The following KANSL3 variants were observed in gnomAD, a reference collection of about 807,000 sequenced individuals.
KANSL3 encodes NSL complex protein NSL3.
A neutral mutation model predicts 89.2 loss-of-function variants in KANSL3; 16 were observed. That is an observed-to-expected ratio of 0.18 (90% CI 0.12 to 0.27). The LOEUF (loss-of-function observed/expected upper bound fraction) is 0.27. Ranked by LOEUF, KANSL3 falls within the 10% of genes least tolerant of loss-of-function variation. The pLI, the probability that KANSL3 is intolerant of heterozygous loss-of-function variation, is 1.00. For synonymous variants in KANSL3, 385 were observed against 419.7 expected, an observed-to-expected ratio of 0.92 and a Z score of 1.01; for missense variants, 879 against 1,110.6, an observed-to-expected ratio of 0.79 and a Z score of 2.96.
At chr2:96,598,160 C>G (rs1245547338) in intron 20 of KANSL3, 11 of 985,026 alleles carry the variant, frequency 1.1e-5, no homozygotes, top group Non-Finnish European at 1.3e-5. Flanking sequence ...ACGAAGACAC[C>G]CTAAAAACAG....
At chr2:96,587,568 A>G in the KANSL3 span, among the ~76,000 whole-genome samples, 1 of 152,240 alleles carries the variant, frequency 6.6e-6, no homozygotes. Context: ...GAAGATTTAA[A>G]GAAGATCGAG....
intron 4 of KANSL3, 48 bp downstream of exon 4, chr2:96,619,624 G>A (rs1481440882): frequency 6.2e-7 from 1 of 1,600,082 alleles, no homozygotes; most frequent in African/African-American, 1.3e-5. Flanking sequence ...CAGCCAGTGA[G>A]GCCTGAACTA....
intron 1 of KANSL3, chr2:96,637,948 C>T (rs1558807266): frequency 6.6e-6 from 1 of 152,322 alleles, no homozygotes; most frequent in Non-Finnish European, 1.5e-5. Flanking sequence ...CTATGACTCG[C>T]ATTTTACAGA....
the KANSL3 span, among the ~76,000 whole-genome samples, chr2:96,580,837 T>C: frequency 2.3e-3 from 346 of 152,340 alleles, 2 homozygotes; most frequent in African/African-American, 8.1e-3. Context: ...CTTTTGTCTC[T>C]GCATTCCAGT....
chr2:96,619,087 A>T (rs1278413050), intron 5 of KANSL3, among the ~76,000 whole-genome samples: 1 of 152,070 alleles, frequency 6.6e-6, no homozygotes, highest in Non-Finnish European at 1.5e-5. Flanking sequence ...TTCAGCCATG[A>T]CTCAAACCAC....
intron 5 of KANSL3, among the ~76,000 whole-genome samples, chr2:96,618,596 A>C (rs2070668307): frequency 6.6e-6 from 1 of 152,236 alleles, no homozygotes; most frequent in Admixed American, 6.5e-5. Context: ...CTGTGGGCTC[A>C]CTGCTTACTA....
chr2:96,581,254 T>C, the KANSL3 span, among the ~76,000 whole-genome samples: 1 of 152,094 alleles, frequency 6.6e-6, no homozygotes, highest in East Asian at 1.9e-4. Flanking sequence ...TGAAACCCCA[T>C]CTCTACTAAA....
In KANSL3 at chr2:96,600,901, C is replaced by T. The variant is rs1042356100; in HGVS notation, c.2616+742G>A. The T allele has an allele frequency of 7.1e-6, 7 of 985,248 alleles. No individual in the cohort carries two copies. The African/African-American group carries it at 8.7e-5, about 12-fold the overall frequency. The allele number at this position is 985,248 out of a possible 1,614,324, so 61.0% of individuals were successfully genotyped here. A position where few individuals can be genotyped will look rare whatever the true frequency, so the allele number is the denominator to read the frequency against. ...CCAATGTCAAAGAAAGAGTATTATA[C>T]TTGGGGGCCGAGGCGGGAGGACCAC... is the stretch of plus-strand genomic sequence containing the variant. On this transcript the variant is annotated intron_variant, in intron 20 of 20. Transcript: ENST00000431828.
chr2:96,622,027 T>C (rs550197901), intron 3 of KANSL3, among the ~76,000 whole-genome samples: 2 of 151,842 alleles, frequency 1.3e-5, no homozygotes, highest in African/African-American at 4.8e-5. Flanking sequence ...GGCAAAAGAA[T>C]TGCTTGAACC....
chr2:96,602,951 T>G, intron 17 of KANSL3, 89 bp from the exon 18 acceptor site: 1 of 1,215,920 alleles, frequency 8.2e-7, no homozygotes, highest in Non-Finnish European at 1.2e-6. Context: ...CACCACCAAC[T>G]AAAACACCAG....
chr2:96,607,410 T>C (rs1402490978), intron 14 of KANSL3, among the ~76,000 whole-genome samples: 2 of 152,156 alleles, frequency 1.3e-5, no homozygotes, highest in Non-Finnish European at 2.9e-5. Context: ...TAGATCCCCA[T>C]TTCAAACCCA....
In KANSL3 at chr2:96,614,640, G is replaced by A. The variant is rs148937662; in HGVS notation, c.664-1021C>T. On this transcript the variant is annotated intron_variant, in intron 5 of 20. Transcript: ENST00000431828. ...ACAAAAATTAGCCAGGTGTGGTGGC[G>A]CACACCAGTAATCCCAGCTACTTGG... Among the ~76,000 whole-genome samples, 261 of 151,918 alleles carry A rather than the reference G, an allele frequency of 1.7e-3. 6 individuals carry two copies. The East Asian group carries it at 0.045, about 26-fold the overall frequency.
chr2:96,612,426 G>A (rs1361978463), intron 8 of KANSL3, 36 bp downstream of exon 8: 5 of 1,603,402 alleles, frequency 3.1e-6, no homozygotes, highest in African/African-American at 1.3e-5. Context: ...AGAATGCTGG[G>A]TATGCCACAA....
chr2:96,591,518 TTGG>T (rs563009400), downstream of KANSL3, among the ~76,000 whole-genome samples: 73 of 152,330 alleles, frequency 4.8e-4, no homozygotes, highest in Non-Finnish European at 9.1e-4. Context: ...CTGGGGAAAC[TTGG>T]TGAAGGGTGT....
chr2:96,633,284 T>G (rs1306554473), intron 2 of KANSL3, among the ~76,000 whole-genome samples: 1 of 151,790 alleles, frequency 6.6e-6, no homozygotes, highest in Admixed American at 6.6e-5. Context: ...GAATTAAATA[T>G]TCAGGCTGGG....
At chr2:96,617,727 G>A (rs1179637525) in intron 5 of KANSL3, among the ~76,000 whole-genome samples, 29 of 151,800 alleles carry the variant, frequency 1.9e-4, no homozygotes, top group Admixed American at 1.9e-3. Context: ...GCAGGGCACG[G>A]CAGCTCACGC....
intron 3 of KANSL3, chr2:96,628,188 G>C: frequency 7.8e-7 from 1 of 1,277,092 alleles, no homozygotes; most frequent in Non-Finnish European, 1.0e-6. Flanking sequence ...CTTGCCTAGA[G>C]GAAAGATGTG....
chr2:96,598,018 A>T, intron 20 of KANSL3: 153 of 615,764 alleles, frequency 2.5e-4, no homozygotes, highest in Non-Finnish European at 2.8e-4. Context: ...ATTCTCAATG[A>T]CCTCTACTCT....
chr2:96,635,754 C>T (rs1386643672), intron 2 of KANSL3, among the ~76,000 whole-genome samples: 2 of 152,124 alleles, frequency 1.3e-5, no homozygotes, highest in Admixed American at 6.5e-5. Flanking sequence ...TTTGGGAGGC[C>T]GAGGCGGGTG....
Sources: allele counts gnomAD v4.1 joint callset (sites outside exome capture counted in the v4.1 genomes callset), GRCh38; gene constraint gnomAD v4.1.1; transcripts MANE v1.5; gene names NCBI Gene and HGNC (gene_info 2026-07-23, HGNC 2026-07-21).